C1GALT1: variants seen among roughly 807,000 people sequenced by gnomAD.
C1GALT1 encodes core 1 synthase, glycoprotein-N-acetylgalactosamine 3-beta-galactosyltransferase 1, also known as glycoprotein-N-acetylgalactosamine 3-beta-galactosyltransferase 1.
C1GALT1 carries 11 observed loss-of-function variants against 31.0 expected under a neutral mutation model. The observed-to-expected ratio is 0.36, with a 90% CI of 0.22 to 0.59. The LOEUF (loss-of-function observed/expected upper bound fraction) is 0.59. Among genes scored for constraint, C1GALT1 ranks in the 20% least tolerant of loss-of-function variants. The pLI, the probability that C1GALT1 is intolerant of heterozygous loss-of-function variation, is 0.79. For synonymous variants in C1GALT1, 175 were observed against 143.6 expected, an observed-to-expected ratio of 1.22 and a Z score of -1.56; for missense variants, 424 against 425.2, an observed-to-expected ratio of 1.00 and a Z score of 0.03.
chr7:7,211,805 AT>A (rs988930616), intron 1 of C1GALT1, among the ~76,000 whole-genome samples: 1 of 152,192 alleles, frequency 6.6e-6, no homozygotes, highest in African/African-American at 2.4e-5. Flanking sequence ...TACATTACCC[AT>A]CCCTTTTTCT....
At chr7:7,224,045 T>G (rs557585744) in intron 1 of C1GALT1, among the ~76,000 whole-genome samples, 2 of 152,324 alleles carry the variant, frequency 1.3e-5, no homozygotes, top group Non-Finnish European at 2.9e-5. Flanking sequence ...AGTTGGTTAA[T>G]AGGATGAATC....
At chr7:7,207,857 A>C (rs1781821227) in intron 1 of C1GALT1, among the ~76,000 whole-genome samples, 1 of 150,030 alleles carries the variant, frequency 6.7e-6, no homozygotes, top group Non-Finnish European at 1.5e-5. Flanking sequence ...CAATTAAGGT[A>C]TTTTCAGGTC....
chr7:7,217,414 A>G (rs1782297235), intron 1 of C1GALT1, among the ~76,000 whole-genome samples: 1 of 151,944 alleles, frequency 6.6e-6, no homozygotes, highest in African/African-American at 2.4e-5. Context: ...CCCAGGCTGC[A>G]GTGTAGTGGT....
chr7:7,159,173 T>C (rs1452778007), intron 2 of C1GALT1, among the ~76,000 whole-genome samples: 1 of 149,702 alleles, frequency 6.7e-6, no homozygotes, highest in Non-Finnish European at 1.5e-5. Flanking sequence ...CTCAAATGAT[T>C]GTATGCTTTT....
At chr7:7,175,175 G>T (rs891281024) in intron 2 of C1GALT1, among the ~76,000 whole-genome samples, 1 of 152,188 alleles carries the variant, frequency 6.6e-6, no homozygotes, top group Admixed American at 6.5e-5. Context: ...TTTGATGCCT[G>T]TCTCAAACTA....
At chr7:7,195,601 T>C (rs1307412881) in intron 1 of C1GALT1, among the ~76,000 whole-genome samples, 1 of 152,182 alleles carries the variant, frequency 6.6e-6, no homozygotes, top group Non-Finnish European at 1.5e-5. Context: ...TCGTGGTCTG[T>C]TTTGGAGAAG....
At chr7:7,183,783 T>G (rs1176704271) in intron 1 of C1GALT1, among the ~76,000 whole-genome samples, 1 of 150,988 alleles carries the variant, frequency 6.6e-6, no homozygotes, top group African/African-American at 2.4e-5. Flanking sequence ...CCATTGTACA[T>G]ACTACTGTAT....
At chr7:7,217,294 C>T (rs756747920) in intron 1 of C1GALT1, among the ~76,000 whole-genome samples, 1 of 152,058 alleles carries the variant, frequency 6.6e-6, no homozygotes, top group Non-Finnish European at 1.5e-5. Flanking sequence ...AGAAGCTCCC[C>T]CATACAGAGC....
upstream of C1GALT1, among the ~76,000 whole-genome samples, chr7:7,182,328 G>A (rs984419338): frequency 2.6e-5 from 4 of 152,170 alleles, no homozygotes; most frequent in African/African-American, 7.2e-5. Context: ...CTTACAGCAG[G>A]ATCAGAAATG....
chr7:7,238,286 T>C lies in C1GALT1; in HGVS notation c.252T>C (p.Tyr84=), dbSNP rs756854286. The C allele has an allele frequency of 4.4e-6, 7 of 1,607,976 alleles. No individual in the cohort carries two copies. Among genetic ancestry groups the C allele is most frequent in the Non-Finnish European group, 5.9e-6 (7 of 1,178,382 alleles). Residue 84 remains tyrosine, a synonymous_variant, in exon 3 of 4, where the codon TAT becomes TAC. Transcript: ENST00000436587. This position sits in a 1 kb window ranked among gnomAD's most constrained non-coding sequence, Gnocchi z 5.2. The stretch of plus-strand genomic sequence containing the variant: ...ACACAGACATTGCTGAAAACCTCTA[T>C]CAGAAAGTTAGAATTCTTTGCTGGG... ...DENTDIAENL[Y]QKVRILCWVM...
intron 2 of C1GALT1, 63 bp downstream of exon 2, chr7:7,234,602 C>G (rs758024658): frequency 1.6e-6 from 2 of 1,226,100 alleles, no homozygotes; most frequent in Non-Finnish European, 2.3e-6. Context: ...TTGTCATATT[C>G]CTGTCTGTAT....
At chr7:7,201,640 C>G (rs192567440) in intron 1 of C1GALT1, among the ~76,000 whole-genome samples, 263 of 152,332 alleles carry the variant, frequency 1.7e-3, no homozygotes, top group African/African-American at 6.0e-3. Flanking sequence ...CCAGCTCCCA[C>G]AAAGCCCGAA....
At chr7:7,174,797 A>G (rs1780487616) in intron 2 of C1GALT1, among the ~76,000 whole-genome samples, 1 of 151,826 alleles carries the variant, frequency 6.6e-6, no homozygotes, top group Admixed American at 6.6e-5. Flanking sequence ...GTTCCTTTTC[A>G]TAACTACTAT....
At chr7:7,219,460 C>G (rs1351137308) in intron 1 of C1GALT1, among the ~76,000 whole-genome samples, 1 of 152,132 alleles carries the variant, frequency 6.6e-6, no homozygotes, top group Non-Finnish European at 1.5e-5. Flanking sequence ...ATTGGGAAAT[C>G]TCTGTTCTCC....
chr7:7,235,966 A>G (rs770287160), intron 2 of C1GALT1, among the ~76,000 whole-genome samples: 2 of 152,152 alleles, frequency 1.3e-5, no homozygotes, highest in African/African-American at 4.8e-5. Flanking sequence ...CCTGCACTCA[A>G]CCAAACTTCA....
intron 1 of C1GALT1, among the ~76,000 whole-genome samples, chr7:7,184,082 T>C (rs1780710830): frequency 1.3e-5 from 2 of 152,230 alleles, no homozygotes; most frequent in African/African-American, 4.8e-5. Context: ...CTTAGGTAAA[T>C]GGCAGTTGAG....
chr7:7,175,807 CT>C (rs918751564), intron 2 of C1GALT1, among the ~76,000 whole-genome samples: 9 of 148,966 alleles, frequency 6.0e-5, no homozygotes, highest in East Asian at 2.0e-4. Flanking sequence ...CTGCTGAGGG[CT>C]TTTTTTTTTC....
chr7:7,165,337 T>G (rs1029599039), intron 2 of C1GALT1, among the ~76,000 whole-genome samples: 2 of 152,242 alleles, frequency 1.3e-5, no homozygotes, highest in Non-Finnish European at 2.9e-5. Flanking sequence ...GAGCCTTGAC[T>G]ATTTTTCCAT....
upstream of C1GALT1, among the ~76,000 whole-genome samples, chr7:7,180,901 A>G (rs920611726): frequency 8.4e-6 from 1 of 119,364 alleles, no homozygotes; most frequent in African/African-American, 3.1e-5. Context: ...TAGAAAGACC[A>G]TATCTCTTCA....
Sources: allele counts gnomAD v4.1 joint callset (sites outside exome capture counted in the v4.1 genomes callset), GRCh38; gene constraint gnomAD v4.1.1; non-coding constraint Gnocchi (gnomAD v3.1); transcripts MANE v1.5; gene names NCBI Gene and HGNC (gene_info 2026-07-23, HGNC 2026-07-21).